Variants in KCNQ3 observed in about 807,000 individuals in gnomAD.
The protein encoded by KCNQ3 is potassium voltage-gated channel subfamily Q member 3, also known as potassium voltage-gated channel subfamily KQT member 3.
KCNQ3 carries 30 observed loss-of-function variants against 92.5 expected under a neutral mutation model. The ratio of observed to expected loss-of-function variants is 0.32; its 90% CI spans 0.24 to 0.44. KCNQ3 has a LOEUF of 0.44. Ranked by LOEUF, KCNQ3 falls within the 20% of genes least tolerant of loss-of-function variation. The probability of loss-of-function intolerance (pLI) is 1.00; values close to 1 mark genes in which losing one functional copy is unlikely to be tolerated. For missense variants in KCNQ3, 913 were observed against 1,140.3 expected, an observed-to-expected ratio of 0.80 and a Z score of 2.87; for synonymous variants, 450 against 468.8, an observed-to-expected ratio of 0.96 and a Z score of 0.52.
At chr8:132,431,281 T>C (rs1490592453) in intron 1 of KCNQ3, among the ~76,000 whole-genome samples, 2 of 152,230 alleles carry the variant, frequency 1.3e-5, no homozygotes, top group African/African-American at 2.4e-5. Flanking sequence ...TCCCTCCTGC[T>C]GCTACTCACA....
intron 14 of KCNQ3, 95 bp from the exon 15 acceptor site, chr8:132,130,091 T>C: frequency 7.1e-7 from 1 of 1,411,686 alleles, no homozygotes; most frequent in Non-Finnish European, 9.6e-7. Context: ...TTTGTTTTTT[T>C]TTTTTTTTTG....
At chr8:132,265,635 A>G (rs149136480) in intron 1 of KCNQ3, among the ~76,000 whole-genome samples, 1,584 of 152,336 alleles carry the variant, frequency 0.01, 19 homozygotes, top group Non-Finnish European at 0.015. Flanking sequence ...CACATTCTGC[A>G]TCAGTATGGC....
chr8:132,166,327 A>G (rs1037122746), intron 8 of KCNQ3, among the ~76,000 whole-genome samples: 2 of 152,206 alleles, frequency 1.3e-5, no homozygotes, highest in African/African-American at 4.8e-5. Context: ...CAGGAATAAA[A>G]CAATGCACAT....
At chr8:132,200,207 A>C (rs557031208) in intron 1 of KCNQ3, among the ~76,000 whole-genome samples, 1 of 152,354 alleles carries the variant, frequency 6.6e-6, no homozygotes, top group East Asian at 1.9e-4. Context: ...CTATAAATCC[A>C]CAAAGGTATA....
chr8:132,129,145 A>ACACG lies in KCNQ3; in HGVS notation c.*113_*116dup, dbSNP rs1316444392. The ACACG allele has an allele frequency of 9.4e-6, 12 of 1,270,280 alleles. No homozygotes were observed. Among genetic ancestry groups the ACACG allele is most frequent in the Non-Finnish European group, 1.1e-5 (10 of 903,348 alleles). The allele number at this position is 1,270,280 out of a possible 1,614,324, so 78.7% of individuals were successfully genotyped here. ...CCCTGCCTGGGTGGGGCCACCACGC[A>ACACG]CACGCATGCATTTGATGCAGCCATT... On this transcript the variant is annotated 3_prime_UTR_variant, in exon 15 of 15. Transcript: ENST00000388996. This position sits in a 1 kb window ranked among gnomAD's most constrained non-coding sequence, Gnocchi z 5.9.
intron 1 of KCNQ3, among the ~76,000 whole-genome samples, chr8:132,240,180 T>TTC (rs1267416468): frequency 3.1e-5 from 4 of 130,786 alleles, no homozygotes; most frequent in Non-Finnish European, 6.6e-5. Flanking sequence ...TGTGCCATGA[T>TTC]TCTTTTTTTT....
intron 9 of KCNQ3, among the ~76,000 whole-genome samples, chr8:132,141,713 T>G (rs1234236165): frequency 6.6e-6 from 1 of 152,204 alleles, no homozygotes; most frequent in Non-Finnish European, 1.5e-5. Flanking sequence ...GGTACCCAGA[T>G]AGTGATTTAC....
rs10673519 is a variant in KCNQ3 at position 132,133,354 on chromosome 8, C to CTTTTTTTTTTTTTTTTTTTTTTTTTT, written c.1799+935_1799+936insAAAAAAAAAAAAAAAAAAAAAAAAAA. On this transcript the variant is annotated intron_variant, in intron 13 of 14. Transcript: ENST00000388996. ...TATCATCACGTTAATGCTCTCGATT[C>CTTTTTTTTTTTTTTTTTTTTTTTTTT]TTTTTTTTTTTTTTTTTTTTGAGAT... Among the ~76,000 whole-genome samples, 6 of 103,478 alleles carry CTTTTTTTTTTTTTTTTTTTTTTTTTT rather than the reference C, an allele frequency of 5.8e-5. 2 individuals carry two copies. The highest frequency in any genetic ancestry group is 9.1e-5 in the Non-Finnish European group (5 of 55,058). 67.9% of individuals were successfully genotyped at this position (103,478 alleles called of 152,430 possible).
chr8:132,278,038 A>T, intron 1 of KCNQ3: 1 of 985,380 alleles, frequency 1.0e-6, no homozygotes, highest in Non-Finnish European at 1.2e-6. Flanking sequence ...CAGAGCTCAG[A>T]TTCAAACAAG....
chr8:132,160,857 A>AG (rs139114121), intron 9 of KCNQ3, among the ~76,000 whole-genome samples: 5,020 of 152,156 alleles, frequency 0.033, 304 homozygotes, highest in African/African-American at 0.11. Flanking sequence ...TGGGCTTACT[A>AG]GGGGCCGAGC....
chr8:132,163,006 A>G (rs1158192491), intron 9 of KCNQ3, among the ~76,000 whole-genome samples: 1 of 152,220 alleles, frequency 6.6e-6, no homozygotes, highest in East Asian at 1.9e-4. Context: ...ATCATGAATT[A>G]CAGTCTCGAG....
intron 12 of KCNQ3, 139 bp downstream of exon 12, chr8:132,137,746 T>C (rs1825151130): frequency 9.3e-7 from 1 of 1,072,692 alleles, no homozygotes; most frequent in African/African-American, 1.5e-5. Flanking sequence ...GGCCTAGACA[T>C]CCACAAGGCT....
chr8:132,372,248 C>G (rs1270827939), intron 1 of KCNQ3, among the ~76,000 whole-genome samples: 1 of 152,194 alleles, frequency 6.6e-6, no homozygotes, highest in Admixed American at 6.5e-5. Flanking sequence ...CCCCACTGGT[C>G]AGCTCCATAG....
At chr8:132,380,340 T>C (rs1819714353) in intron 1 of KCNQ3, among the ~76,000 whole-genome samples, 1 of 152,148 alleles carries the variant, frequency 6.6e-6, no homozygotes, top group African/African-American at 2.4e-5. Flanking sequence ...TAATTACACG[T>C]GAGAAAGAGG....
intron 1 of KCNQ3, among the ~76,000 whole-genome samples, chr8:132,450,529 C>A (rs1443914471): frequency 3.9e-5 from 6 of 152,200 alleles, no homozygotes; most frequent in African/African-American, 1.2e-4. Flanking sequence ...CCTTCCCCCT[C>A]CCCCAGGAAA....
chr8:132,423,768 T>G (rs1049492961), intron 1 of KCNQ3, among the ~76,000 whole-genome samples: 1 of 152,118 alleles, frequency 6.6e-6, no homozygotes, highest in African/African-American at 2.4e-5. Flanking sequence ...CTCCTGACCT[T>G]TGAGCCACAG....
chr8:132,379,847 C>T (rs1003130307), intron 1 of KCNQ3, among the ~76,000 whole-genome samples: 1 of 150,918 alleles, frequency 6.6e-6, no homozygotes, highest in Admixed American at 6.6e-5. Flanking sequence ...ATATATACCC[C>T]TGATTTACTT....
chr8:132,400,011 G>T (rs1174941333), intron 1 of KCNQ3, among the ~76,000 whole-genome samples: 3 of 152,190 alleles, frequency 2.0e-5, no homozygotes, highest in African/African-American at 7.2e-5. Context: ...TGACAAGGAA[G>T]GGGTAGGTGC....
At chr8:132,465,135 AGG>A (rs1822143089) in intron 1 of KCNQ3, among the ~76,000 whole-genome samples, 1 of 152,252 alleles carries the variant, frequency 6.6e-6, no homozygotes, top group African/African-American at 2.4e-5. Context: ...ACTCCAGCAC[AGG>A]GCGGAAGTCA....
Sources: allele counts gnomAD v4.1 joint callset (sites outside exome capture counted in the v4.1 genomes callset), GRCh38; gene constraint gnomAD v4.1.1; non-coding constraint Gnocchi (gnomAD v3.1); transcripts MANE v1.5; gene names NCBI Gene and HGNC (gene_info 2026-07-23, HGNC 2026-07-21).